ATP8A2: variants seen among roughly 807,000 people sequenced by gnomAD.
ATP8A2 encodes phospholipid-transporting ATPase IB.
Under a neutral mutation model 165.6 loss-of-function variants are expected in ATP8A2, and 100 were observed. That is an observed-to-expected ratio of 0.60 (90% CI 0.51 to 0.71). The LOEUF (loss-of-function observed/expected upper bound fraction) is 0.71, where lower values mean the gene tolerates loss of function less well. Ranked by LOEUF, ATP8A2 falls within the 30% of genes least tolerant of loss-of-function variation. The pLI, the probability that ATP8A2 is intolerant of heterozygous loss-of-function variation, is 0.00. For synonymous variants in ATP8A2, 543 were observed against 548.8 expected (o/e 0.99, Z 0.15); for missense variants, 1,227 against 1,479.5 (o/e 0.83, Z 2.80).
In ATP8A2 at chr13:25,565,416, C is replaced by T. The variant is rs528503554; in HGVS notation, c.1473+1385C>T. ...ACTGTTTTTGATTTTTTGGTTATGG[C>T]CATTCTTGCAGGAGTAAGGTGGTAT... On this transcript the variant is annotated intron_variant, in intron 16 of 36. Transcript: ENST00000381655. Among the ~76,000 whole-genome samples, 3 of 152,272 alleles carry T rather than the reference C, an allele frequency of 2.0e-5. No homozygotes were observed. In the South Asian group the frequency reaches 6.2e-4, roughly 32 times the overall value.
intron 25 of ATP8A2, among the ~76,000 whole-genome samples, chr13:25,760,949 T>C (rs957207674): frequency 1.6e-4 from 24 of 152,234 alleles, no homozygotes; most frequent in African/African-American, 5.5e-4. Context: ...CTTTCCACAA[T>C]TTAATATATG....
At chr13:25,942,896 T>A (rs1287013677) in intron 33 of ATP8A2, among the ~76,000 whole-genome samples, 1 of 152,210 alleles carries the variant, frequency 6.6e-6, no homozygotes, top group Admixed American at 6.5e-5. Context: ...TAGGTCCTGA[T>A]GTTTTCCATT....
chr13:25,766,504 G>T (rs1385382954), intron 25 of ATP8A2, among the ~76,000 whole-genome samples: 1 of 152,058 alleles, frequency 6.6e-6, no homozygotes, highest in Non-Finnish European at 1.5e-5. Flanking sequence ...CGAACTTTAG[G>T]GTAAGCATAG....
At chr13:25,885,191 C>T (rs1953107179) in intron 33 of ATP8A2, among the ~76,000 whole-genome samples, 1 of 147,994 alleles carries the variant, frequency 6.8e-6, no homozygotes, top group Non-Finnish European at 1.5e-5. Context: ...TAGCTCACTG[C>T]AACCTCCGCC....
In ATP8A2 at chr13:25,504,079, G is replaced by A. The variant is rs573718137; in HGVS notation, c.222-25920G>A. Among the ~76,000 whole-genome samples, 6 of 152,358 alleles carry A rather than the reference G, an allele frequency of 3.9e-5. No individual in the cohort carries two copies. In the South Asian group the frequency reaches 1.2e-3, roughly 32 times the overall value. On this transcript the variant is annotated intron_variant, in intron 2 of 36. Transcript: ENST00000381655. The stretch of plus-strand genomic sequence containing the variant: ...AATGCACTGGAGAGCATGTTGGAAG[G>A]AATCCAGTGGTGGATTGCAGTCCAC...
In ATP8A2 at chr13:26,015,051, C is replaced by T. The variant is rs935726080; in HGVS notation, c.3469+2429C>T. On this transcript the variant is annotated intron_variant, in intron 36 of 36. Coordinates refer to ENST00000381655, the MANE Select transcript of ATP8A2 (RefSeq NM_016529.6). Reference sequence around the variant, plus strand: ...CGATATATATGTTGTGATCAAAGACCGAATGAGAATTTTTATGGGAGAGTC... The same window carrying T: ...CGATATATATGTTGTGATCAAAGACTGAATGAGAATTTTTATGGGAGAGTC... Among the ~76,000 whole-genome samples, 10 of 152,062 alleles carry T rather than the reference C, an allele frequency of 6.6e-5. No homozygotes were observed. The South Asian group carries it at 8.3e-4, about 13-fold the overall frequency.
intron 1 of ATP8A2, among the ~76,000 whole-genome samples, chr13:25,380,889 TA>T (rs1474845910): frequency 6.6e-6 from 1 of 152,042 alleles, no homozygotes; most frequent in African/African-American, 2.4e-5. Flanking sequence ...CCCCAAGTAT[TA>T]AAAAAAATTT....
intron 35 of ATP8A2, among the ~76,000 whole-genome samples, chr13:25,978,981 C>T (rs1053016037): frequency 1.1e-4 from 16 of 151,442 alleles, no homozygotes; most frequent in African/African-American, 2.9e-4. Flanking sequence ...GTTTTTTATT[C>T]ATATTTGATG....
chr13:25,375,683 C>T (rs1177385384), intron 1 of ATP8A2, among the ~76,000 whole-genome samples: 3 of 151,842 alleles, frequency 2.0e-5, no homozygotes, highest in Non-Finnish European at 4.4e-5. Context: ...AGCAATTCTG[C>T]TGCCTCAGCC....
chr13:25,637,275 G>A (rs1033947566), intron 24 of ATP8A2, among the ~76,000 whole-genome samples: 1 of 152,118 alleles, frequency 6.6e-6, no homozygotes, highest in Non-Finnish European at 1.5e-5. Flanking sequence ...GACAGTGGGT[G>A]CAGCCCAACG....
chr13:25,448,563 C>G (rs1357252026), intron 1 of ATP8A2, among the ~76,000 whole-genome samples: 1 of 152,112 alleles, frequency 6.6e-6, no homozygotes, highest in Non-Finnish European at 1.5e-5. Flanking sequence ...GAATATTTTC[C>G]AAGTTTATTA....
At position 25,699,207 on chromosome 13, in the gene ATP8A2, A is replaced by G; in HGVS notation, c.2246A>G (p.Asp749Gly). ...TRAAITQHCT[D>G]LGNLLGKEND... ...GCAGCCATTACTCAGCACTGCACTG[A>G]CCTTGGGAATTTGCTGGGCAAGGAA... The change falls in exon 25 of 37, where the codon GAC becomes GGC. Residue 749 changes from aspartate (D) to glycine (G), a missense_variant. Asp to Gly is a moderately conservative substitution (Grantham distance 94). This residue lies in a region of ATP8A2 where 592 missense variants were observed against 785.6 expected (regional missense o/e 0.75). Transcript: ENST00000381655. 6.2e-7 allele frequency: 1 copy of G among 1,612,298 alleles called. No homozygotes were observed. Among genetic ancestry groups the G allele is most frequent in the Non-Finnish European group, 8.5e-7 (1 of 1,179,082 alleles).
chr13:25,535,095 G>T (rs1326558942), intron 6 of ATP8A2, among the ~76,000 whole-genome samples: 1 of 152,184 alleles, frequency 6.6e-6, no homozygotes, highest in Non-Finnish European at 1.5e-5. Flanking sequence ...GATCAGGAAA[G>T]TCTGCCCTCC....
chr13:25,393,107 T>A (rs1474667963), intron 1 of ATP8A2, among the ~76,000 whole-genome samples: 5 of 151,806 alleles, frequency 3.3e-5, no homozygotes, highest in African/African-American at 1.2e-4. Flanking sequence ...ATACTTTTTT[T>A]TAGCCTTCTC....
At chr13:25,467,681 A>G (rs2035707019) in intron 1 of ATP8A2, among the ~76,000 whole-genome samples, 1 of 151,880 alleles carries the variant, frequency 6.6e-6, no homozygotes. Context: ...CCTCCCGCGT[A>G]GCTGGGCCTA....
chr13:25,499,255 GA>G (rs1221068417), intron 2 of ATP8A2, among the ~76,000 whole-genome samples: 1 of 152,206 alleles, frequency 6.6e-6, no homozygotes, highest in Non-Finnish European at 1.5e-5. Flanking sequence ...GTTACTCACA[GA>G]AACAAACCTA....
chr13:25,529,849 T>C (rs972520007), intron 2 of ATP8A2, 150 bp from the exon 3 acceptor site: 1 of 544,098 alleles, frequency 1.8e-6, no homozygotes, highest in African/African-American at 1.9e-5. Context: ...TAAAGCTCTT[T>C]AGGAGAAGAT....
chr13:25,400,963 G>T (rs2033617427), intron 1 of ATP8A2, among the ~76,000 whole-genome samples: 1 of 152,204 alleles, frequency 6.6e-6, no homozygotes, highest in Non-Finnish European at 1.5e-5. Context: ...CATTGGTTCT[G>T]TGACTGCCCA....
intron 30 of ATP8A2, among the ~76,000 whole-genome samples, chr13:25,853,396 A>AATATATATATAT (rs1555278503): frequency 1.2e-4 from 13 of 107,846 alleles, no homozygotes; most frequent in South Asian, 5.8e-4. Flanking sequence ...ATCTAAAAAA[A>AATATATATATAT]ATATATATAT....
Sources: gnomAD v4.1 joint callset for allele counts (sites outside exome capture counted in the v4.1 genomes callset) on GRCh38, gnomAD v4.1.1 for gene constraint, gnomAD v4.1.1 regional missense constraint, MANE v1.5 for transcripts, NCBI Gene and HGNC (gene_info 2026-07-23, HGNC 2026-07-21) for gene names.